LDB2: variants seen among roughly 807,000 people sequenced by gnomAD.
LDB2 encodes LIM domain-binding protein 2.
A neutral mutation model predicts 44.3 loss-of-function variants in LDB2; 12 were observed. The observed-to-expected ratio is 0.27, with a 90% CI of 0.17 to 0.44. The LOEUF is 0.44. Ranked by LOEUF, LDB2 falls within the 20% of genes least tolerant of loss-of-function variation. LDB2 has a pLI of 1.00. For missense variants in LDB2, 344 were observed against 473.5 expected, an observed-to-expected ratio of 0.73 and a Z score of 2.54; for synonymous variants, 164 against 174.8, an observed-to-expected ratio of 0.94 and a Z score of 0.49.
chr4:16,768,784 C>T (rs1769940212), intron 1 of LDB2, among the ~76,000 whole-genome samples: 1 of 152,132 alleles, frequency 6.6e-6, no homozygotes, highest in South Asian at 2.1e-4. Flanking sequence ...ATGCCAGTCA[C>T]CCTTCTGAAC....
At chr4:16,782,472 T>C (rs1005136839) in intron 1 of LDB2, among the ~76,000 whole-genome samples, 1 of 151,884 alleles carries the variant, frequency 6.6e-6, no homozygotes, top group Non-Finnish European at 1.5e-5. Context: ...TGCCTCAGCC[T>C]CCCAGGTAGC....
chr4:16,723,237 A>G (rs1244170775), intron 2 of LDB2, among the ~76,000 whole-genome samples: 1 of 152,222 alleles, frequency 6.6e-6, no homozygotes, highest in East Asian at 1.9e-4. Context: ...AGACTGGGTA[A>G]TTAATAAAGA....
intron 1 of LDB2, among the ~76,000 whole-genome samples, chr4:16,835,477 G>A (rs1784743220): frequency 6.6e-6 from 1 of 152,192 alleles, no homozygotes; most frequent in South Asian, 2.1e-4. Flanking sequence ...TTATTGCTGA[G>A]TGGTGTGTCA....
At chr4:16,816,145 T>A (rs1330529754) in intron 1 of LDB2, among the ~76,000 whole-genome samples, 1 of 151,644 alleles carries the variant, frequency 6.6e-6, no homozygotes, top group Non-Finnish European at 1.5e-5. Context: ...GAAGCGGAGG[T>A]TGCAGTGAGC....
At chr4:16,662,620 T>C (rs761216502) in intron 2 of LDB2, among the ~76,000 whole-genome samples, 2 of 152,116 alleles carry the variant, frequency 1.3e-5, no homozygotes, top group African/African-American at 2.4e-5. Flanking sequence ...TGGGATGTAA[T>C]TGAATCGTGA....
chr4:16,886,751 G>C (rs1418247307), intron 1 of LDB2, among the ~76,000 whole-genome samples: 2 of 151,952 alleles, frequency 1.3e-5, no homozygotes, highest in Non-Finnish European at 2.9e-5. Context: ...ACACTGTTTT[G>C]GCTGGGCACG....
At chr4:16,517,914 GAT>G (rs1577319840) in intron 5 of LDB2, among the ~76,000 whole-genome samples, 1 of 150,762 alleles carries the variant, frequency 6.6e-6, no homozygotes, top group East Asian at 2.0e-4. Context: ...TGGATGGATG[GAT>G]GGATGGATGG....
chr4:16,707,270 C>T (rs144773954), intron 2 of LDB2, among the ~76,000 whole-genome samples: 1 of 152,242 alleles, frequency 6.6e-6, no homozygotes, highest in East Asian at 1.9e-4. Context: ...GGACTACTAT[C>T]TTTCTATTAT....
intron 2 of LDB2, among the ~76,000 whole-genome samples, chr4:16,691,719 C>T (rs111971101): frequency 0.013 from 1,964 of 152,218 alleles, 51 homozygotes; most frequent in African/African-American, 0.045. Context: ...GAGGCAGTTC[C>T]ACATCTTCTA....
At chr4:16,794,071 C>T (rs909848910) in intron 1 of LDB2, among the ~76,000 whole-genome samples, 17 of 152,068 alleles carry the variant, frequency 1.1e-4, no homozygotes, top group Admixed American at 9.2e-4. Context: ...GGGGAAGGGC[C>T]GTGCCCAAAG....
intron 5 of LDB2, among the ~76,000 whole-genome samples, chr4:16,523,596 A>G (rs948304896): frequency 6.6e-6 from 1 of 152,140 alleles, no homozygotes; most frequent in Non-Finnish European, 1.5e-5. Flanking sequence ...TAATGGGTGG[A>G]TAGTGTAGAT....
intron 2 of LDB2, among the ~76,000 whole-genome samples, chr4:16,596,198 T>C (rs984305452): frequency 5.9e-5 from 9 of 152,092 alleles, no homozygotes; most frequent in Non-Finnish European, 1.5e-5. Context: ...ACTTTTGGAG[T>C]GAACATGTTT....
chr4:16,847,771 A>C (rs895795209), intron 1 of LDB2, among the ~76,000 whole-genome samples: 3 of 152,132 alleles, frequency 2.0e-5, no homozygotes, highest in South Asian at 4.1e-4. Flanking sequence ...CGCCCGCCAC[A>C]GTGCCCAGCT....
intron 1 of LDB2, among the ~76,000 whole-genome samples, chr4:16,860,885 C>T (rs1446298449): frequency 6.6e-6 from 1 of 151,742 alleles, no homozygotes; most frequent in Non-Finnish European, 1.5e-5. Flanking sequence ...AGTGAAAAAA[C>T]TGAATACCCC....
At chr4:16,544,900 G>C (rs966232540) in intron 5 of LDB2, among the ~76,000 whole-genome samples, 9 of 152,072 alleles carry the variant, frequency 5.9e-5, no homozygotes, top group Admixed American at 5.9e-4. Flanking sequence ...AAAATGCATA[G>C]GACTCAATGA....
chr4:16,641,072 T>C (rs550054944), intron 2 of LDB2, among the ~76,000 whole-genome samples: 1 of 152,004 alleles, frequency 6.6e-6, no homozygotes, highest in Non-Finnish European at 1.5e-5. Context: ...GCCAAGGAGA[T>C]GGACATAGAT....
At chr4:16,687,593 T>G (rs1251556506) in intron 2 of LDB2, among the ~76,000 whole-genome samples, 1 of 152,154 alleles carries the variant, frequency 6.6e-6, no homozygotes, top group Non-Finnish European at 1.5e-5. Flanking sequence ...GTAAACTAAG[T>G]CTGGACTTCT....
At chr4:16,790,966 C>T (rs1236983280) in intron 1 of LDB2, among the ~76,000 whole-genome samples, 1 of 152,166 alleles carries the variant, frequency 6.6e-6, no homozygotes, top group Non-Finnish European at 1.5e-5. Flanking sequence ...ACACCAGGCC[C>T]TTTCTTCACA....
Position 16,585,905 on chromosome 4 carries a change from C to A in LDB2, c.615+17G>T. On this transcript the variant is annotated intron_variant, in intron 5 of 7. Coordinates refer to ENST00000304523, the MANE Select transcript of LDB2 (RefSeq NM_001290.5). ...TTTCAAACTCACCAAAAAATAAAAT[C>A]ATTCGATTGATCTTACCCTGAGGTA... is the stretch of plus-strand genomic sequence containing the variant. 1 of 1,601,224 alleles carries A rather than the reference C, an allele frequency of 6.2e-7. No individual in the cohort carries two copies. Among genetic ancestry groups the A allele is most frequent in the South Asian group, 1.1e-5 (1 of 90,730 alleles).
Sources: allele counts gnomAD v4.1 joint callset (sites outside exome capture counted in the v4.1 genomes callset), GRCh38; gene constraint gnomAD v4.1.1; transcripts MANE v1.5; gene names NCBI Gene and HGNC (gene_info 2026-07-23, HGNC 2026-07-21).